Variants in NOS3 observed in about 807,000 individuals in gnomAD.
The protein encoded by NOS3 is NOS type III.
Under a neutral mutation model 144.9 loss-of-function variants are expected in NOS3, and 98 were observed. The ratio of observed to expected loss-of-function variants is 0.68; its 90% CI spans 0.57 to 0.80. The LOEUF is 0.80. NOS3 is among the 30% of genes least tolerant of loss of function. NOS3 has a pLI of 0.00. For missense variants in NOS3, 1,465 were observed against 1,656.4 expected, an observed-to-expected ratio of 0.88 and a Z score of 2.01; for synonymous variants, 714 against 702.4, an observed-to-expected ratio of 1.02 and a Z score of -0.26.
Position 151,010,824 on chromosome 7 carries a change from GAGC to G in NOS3, c.2896+20_2896+22del. On this transcript the variant is annotated intron_variant, in intron 22 of 26. Transcript: ENST00000297494. ...GGACTCAGGGTGAGGCAACAAGCAG[GAGC>G]AGGCCTGGCCACAGCAGGGTTGGGA... 2 of 1,608,082 alleles carry G rather than the reference GAGC, an allele frequency of 1.2e-6. No individual in the cohort carries two copies. Among genetic ancestry groups the G allele is most frequent in the Non-Finnish European group, 8.5e-7 (1 of 1,177,130 alleles).
chr7:151,010,386 T>C (rs1198372363), intron 21 of NOS3, 99 bp downstream of exon 21: 3 of 1,246,410 alleles, frequency 2.4e-6, no homozygotes, highest in South Asian at 3.0e-5. Flanking sequence ...CCCCCTGGAC[T>C]TTCTTCTCCT....
rs2117119277 is a variant in NOS3, at chr7:151,002,103, T to C, written c.1648-97T>C. The C allele has an allele frequency of 6.4e-6, 9 of 1,417,226 alleles. No individual in the cohort carries two copies. In the Admixed American group the frequency reaches 7.7e-5, roughly 12 times the overall value. The allele number at this position is 1,417,226 out of a possible 1,614,324, so 87.8% of individuals were successfully genotyped here. A position where few individuals can be genotyped will look rare whatever the true frequency, so the allele number is the denominator to read the frequency against. On this transcript the variant is annotated intron_variant, in intron 13 of 26. Coordinates refer to ENST00000297494, the MANE Select transcript of NOS3 (RefSeq NM_000603.5). The surrounding 1 kb of genome is among the most constrained non-coding windows in gnomAD (Gnocchi z 4.1). ...GAACCACAGGTGTTCAGAGATCAAG[T>C]TGGGGCCTGAATCTTGCACTGCCAG...
Position 150,998,462 on chromosome 7 carries a change from A to G in NOS3, c.674+14A>G. The G allele has an allele frequency of 6.2e-7, 1 of 1,611,698 alleles. No homozygotes were observed. Among genetic ancestry groups the G allele is most frequent in the South Asian group, 1.1e-5 (1 of 90,868 alleles). On this transcript the variant is annotated intron_variant, in intron 6 of 26. Transcript: ENST00000297494. The surrounding 1 kb of genome is among the most constrained non-coding windows in gnomAD (Gnocchi z 5.0). ...GGGCAACCTTCGGTGAGTGCCCCCC[A>G]CCATGCCAGGCCCCAGCCTTCTTCC...
chr7:151,010,403 C>A, intron 21 of NOS3, 116 bp downstream of exon 21: 1 of 1,090,914 alleles, frequency 9.2e-7, no homozygotes, highest in Non-Finnish European at 1.3e-6. Flanking sequence ...TCCTGGCCGA[C>A]ATGCACTGGT....
At chr7:150,994,294 T>TA (rs1358069464) in intron 2 of NOS3, among the ~76,000 whole-genome samples, 1 of 152,200 alleles carries the variant, frequency 6.6e-6, no homozygotes, top group African/African-American at 2.4e-5. Context: ...TGGCAATACT[T>TA]ACTCCATGGG....
At position 151,014,280 on chromosome 7, in the gene NOS3, T is replaced by C; in HGVS notation, c.*111T>C. On this transcript the variant is annotated 3_prime_UTR_variant, in exon 27 of 27. Coordinates refer to ENST00000297494, the MANE Select transcript of NOS3 (RefSeq NM_000603.5). ...TCTTGAGGTGGTGCCTTCTCACATC[T>C]GTCCAGAGGCTGCAAGGATTCAGCA... is the stretch of plus-strand genomic sequence containing the variant. 1.8e-6 allele frequency: 2 copies of C among 1,104,666 alleles called. No individual in the cohort carries two copies. The highest frequency in any genetic ancestry group is 2.5e-6 in the Non-Finnish European group (2 of 788,616). The allele number at this position is 1,104,666 out of a possible 1,614,324, so 68.4% of individuals were successfully genotyped here. A position where few individuals can be genotyped will look rare whatever the true frequency, so the allele number is the denominator to read the frequency against.
At chr7:150,994,962 G>A (rs1179450225) in intron 2 of NOS3, among the ~76,000 whole-genome samples, 1 of 152,144 alleles carries the variant, frequency 6.6e-6, no homozygotes, top group African/African-American at 2.4e-5. Flanking sequence ...GGTGGGATGC[G>A]AACTTAGCCT....
rs769085172 is a variant in NOS3 at position 151,012,388 on chromosome 7, C to T, written c.3022C>T (p.Pro1008Ser). 3.1e-6 allele frequency: 5 copies of T among 1,593,378 alleles called. No individual in the cohort carries two copies. Among genetic ancestry groups the T allele is most frequent in the Admixed American group, 1.8e-5 (1 of 55,246 alleles). Residue 1008 changes from proline (P) to serine (S), a missense_variant, in exon 24 of 27, where the codon CCC (proline) becomes TCC (serine). Coordinates refer to ENST00000297494, the MANE Select transcript of NOS3 (RefSeq NM_000603.5). The stretch of plus-strand genomic sequence containing the variant: ...CCGGCTGCCACCCGATCCCAGCTTG[C>T]CCTGCATCCTGGTGGGTCCAGGCAC... ...SFRLPPDPSL[P>S]CILVGPGTGI...
In NOS3 at chr7:150,996,975, G is replaced by A. The variant is rs559954070; in HGVS notation, c.582+50G>A. On this transcript the variant is annotated intron_variant, in intron 5 of 26. Coordinates refer to ENST00000297494, the MANE Select transcript of NOS3 (RefSeq NM_000603.5). ...ACCCGGGCGCTACCAAAAGGGGAGC[G>A]GGGTGGCGGGGCAGTTCCTAAGGCT... 1.1e-4 allele frequency: 162 copies of A among 1,519,998 alleles called. 4 individuals carry two copies. The South Asian group carries it at 1.8e-3, about 17-fold the overall frequency. 94.2% of individuals were successfully genotyped at this position (1,519,998 alleles called of 1,614,324 possible).
chr7:150,999,184 C>A lies in NOS3; in HGVS notation c.957-6C>A. ...GGGTGCTGATCCCACACCCCAACAC[C>A]CCCAGGCTGGAGTGGTTTGCAGCCC... On this transcript the variant is annotated splice_region_variant and splice_polypyrimidine_tract_variant and intron_variant, in intron 8 of 26. Coordinates refer to ENST00000297494, the MANE Select transcript of NOS3 (RefSeq NM_000603.5). 6.2e-7 allele frequency: 1 copy of A among 1,609,482 alleles called. No homozygotes were observed. Among genetic ancestry groups the A allele is most frequent in the Non-Finnish European group, 8.5e-7 (1 of 1,178,624 alleles).
chr7:151,007,576 G>A (rs998577950), intron 17 of NOS3, among the ~76,000 whole-genome samples: 1 of 152,218 alleles, frequency 6.6e-6, no homozygotes, highest in Non-Finnish European at 1.5e-5. Flanking sequence ...ACAAAGGGAG[G>A]GGGTGCAGGG....
chr7:150,997,169 A>AGAAGTCTAGACCTGCTGCAGGGGTGAG (rs61722009), intron 5 of NOS3, among the ~76,000 whole-genome samples: 64 of 148,598 alleles, frequency 4.3e-4, no homozygotes, highest in African/African-American at 1.5e-3. Flanking sequence ...AGGAGGGGAA[A>AGAAGTCTAGACCTGCTGCAGGGGTGAG]GAAGTCTAGA....
chr7:151,007,749 CG>C (rs1017585090), intron 17 of NOS3, among the ~76,000 whole-genome samples: 4 of 152,346 alleles, frequency 2.6e-5, no homozygotes, highest in Non-Finnish European at 5.9e-5. Context: ...GAACTGGTCC[CG>C]GGCCGGGCAA....
In NOS3 at chr7:151,001,565, G is replaced by A. The variant is rs760496486; in HGVS notation, c.1450G>A (p.Ala484Thr). 12 of 1,613,878 alleles carry A rather than the reference G, an allele frequency of 7.4e-6. No individual in the cohort carries two copies. Among genetic ancestry groups the A allele is most frequent in the Non-Finnish European group, 1.0e-5 (12 of 1,180,002 alleles). Residue 484 changes from alanine (A) to threonine (T), a missense_variant, in exon 12 of 27, where the codon GCC (alanine) becomes ACC (threonine). Coordinates refer to ENST00000297494, the MANE Select transcript of NOS3 (RefSeq NM_000603.5). ...RYQPDPWKGS[A>T]AKGTGITRKK... is the part of the protein sequence containing the mutation. The stretch of plus-strand genomic sequence containing the variant: ...GCAGCCAGACCCCTGGAAGGGGAGT[G>A]CCGCCAAGGGCACCGGCATCACCAG...
chr7:151,001,168 G>A, intron 10 of NOS3, 63 bp from the exon 11 acceptor site: 1 of 1,554,382 alleles, frequency 6.4e-7, no homozygotes, highest in South Asian at 1.1e-5. Context: ...CGGAGTGGTG[G>A]AGGAAGAATG....
chr7:151,008,903 C>G, intron 17 of NOS3, 27 bp from the exon 18 acceptor site: 2 of 1,594,898 alleles, frequency 1.3e-6, no homozygotes, highest in Non-Finnish European at 1.7e-6. Flanking sequence ...GCGGGAGGTC[C>G]TCAGCCCTCA....
In NOS3 at chr7:151,008,939, G is replaced by A; in HGVS notation, c.2122G>A (p.Glu708Lys). 1 of 1,609,498 alleles carries A rather than the reference G, an allele frequency of 6.2e-7. No individual in the cohort carries two copies. Among genetic ancestry groups the A allele is most frequent in the South Asian group, 1.1e-5 (1 of 90,246 alleles). ...WAQAAFQAAC[E>K]TFCVGEDAKA... is the part of the protein sequence containing the mutation. ...CCGGCCTGTCCCGCAGGCCGCCTGT[G>A]AGACCTTCTGTGTGGGAGAGGATGC... The change falls in exon 18 of 27, where the codon GAG becomes AAG. Residue 708 changes from glutamate (E) to lysine (K), a missense_variant. Around this residue, in one of 5 missense-constraint regions of NOS3, gnomAD observed 745 missense variants for 853.9 expected, o/e 0.87. Coordinates refer to ENST00000297494, the MANE Select transcript of NOS3 (RefSeq NM_000603.5).
Position 151,013,719 on chromosome 7 carries a change from C to T in NOS3, c.3256-5C>T. 6.3e-7 allele frequency: 1 copy of T among 1,593,898 alleles called. No individual in the cohort carries two copies. Among genetic ancestry groups the T allele is most frequent in the Non-Finnish European group, 8.5e-7 (1 of 1,171,432 alleles). Reference sequence around the variant, plus strand: ...AGGGCCCGCCCTAACCCCGCCGCCCCGCAGACCTACGTGCAGGACATCCTG... The same window carrying T: ...AGGGCCCGCCCTAACCCCGCCGCCCTGCAGACCTACGTGCAGGACATCCTG... On this transcript the variant is annotated splice_region_variant and splice_polypyrimidine_tract_variant and intron_variant, in intron 25 of 26. Coordinates refer to ENST00000297494, the MANE Select transcript of NOS3 (RefSeq NM_000603.5).
At chr7:151,010,008 G>A (rs1437471953) in intron 20 of NOS3, 107 bp from the exon 21 acceptor site, 21 of 736,558 alleles carry the variant, frequency 2.9e-5, no homozygotes, top group Admixed American at 1.2e-4. Context: ...GGCCGACCCC[G>A]CTGCTCAAGG....
Sources: gnomAD v4.1 joint callset for allele counts (sites outside exome capture counted in the v4.1 genomes callset) on GRCh38, gnomAD v4.1.1 for gene constraint, gnomAD v4.1.1 regional missense constraint, Gnocchi (gnomAD v3.1) non-coding constraint, MANE v1.5 for transcripts, NCBI Gene and HGNC (gene_info 2026-07-23, HGNC 2026-07-21) for gene names.